The following XIRP2 variants were observed in gnomAD, a reference collection of about 807,000 sequenced individuals.
The protein encoded by XIRP2 is xin actin-binding repeat-containing protein 2.
A neutral mutation model predicts 277.0 loss-of-function variants in XIRP2; 236 were observed. The ratio of observed to expected loss-of-function variants is 0.85; its 90% CI spans 0.77 to 0.95. The LOEUF (loss-of-function observed/expected upper bound fraction) is 0.95. Ranked by LOEUF, XIRP2 falls within the 40% of genes least tolerant of loss-of-function variation. The probability of loss-of-function intolerance (pLI) is 0.00; values close to 1 mark genes in which losing one functional copy is unlikely to be tolerated. For missense variants in XIRP2, 4,640 were observed against 4,157.5 expected (o/e 1.12, Z -3.19); for synonymous variants, 1,490 against 1,416.5 (o/e 1.05, Z -1.17).
At chr2:166,980,709 T>A (rs552593914) in intron 2 of XIRP2, among the ~76,000 whole-genome samples, 1 of 152,142 alleles carries the variant, frequency 6.6e-6, no homozygotes, top group African/African-American at 2.4e-5. Flanking sequence ...TGAGCCACCA[T>A]GCCCAGTCAC....
At position 167,227,530 on chromosome 2, in the gene XIRP2, A is replaced by G. The variant is rs116976027; in HGVS notation, c.858+9230A>G. Among the ~76,000 whole-genome samples, 494 of 152,056 alleles carry G rather than the reference A, an allele frequency of 3.2e-3. 24 individuals are homozygous for G. In the East Asian group the frequency reaches 0.067, roughly 21 times the overall value. On this transcript the variant is annotated intron_variant, in intron 5 of 10. Coordinates refer to ENST00000409195, the MANE Select transcript of XIRP2 (RefSeq NM_152381.6). Reference sequence around the variant, plus strand: ...AGCCTGGGCAACATAGCAAAACCCCATCTCTACAAAAGAAAAAATGTTTTT... The same window carrying G: ...AGCCTGGGCAACATAGCAAAACCCCGTCTCTACAAAAGAAAAAATGTTTTT...
At chr2:167,233,107 A>G (rs1244323369) in intron 5 of XIRP2, among the ~76,000 whole-genome samples, 3 of 151,930 alleles carry the variant, frequency 2.0e-5, no homozygotes, top group East Asian at 1.9e-4. Flanking sequence ...ATTAAGAAAG[A>G]CATCTGATGA....
chr2:167,119,825 C>T lies in XIRP2; in HGVS notation c.409-16084C>T, dbSNP rs115824750. ...GAAGATTTTGTTTCTGCTTTTCTCCCTCATTGCTGCAAATGTTAAACATCA... is the reference window on the plus strand; with the variant it reads ...GAAGATTTTGTTTCTGCTTTTCTCCTTCATTGCTGCAAATGTTAAACATCA... On this transcript the variant is annotated intron_variant, in intron 2 of 10. Coordinates refer to ENST00000409195, the MANE Select transcript of XIRP2 (RefSeq NM_152381.6). 4.0e-3 allele frequency among the ~76,000 whole-genome samples: 603 copies of T among 152,234 alleles called. 5 individuals are homozygous for T. The highest frequency in any genetic ancestry group is 0.014 in the African/African-American group (586 of 41,550).
chr2:166,965,575 TTTG>T (rs1449825285), intron 2 of XIRP2, among the ~76,000 whole-genome samples: 2 of 151,744 alleles, frequency 1.3e-5, no homozygotes, highest in Non-Finnish European at 2.9e-5. Context: ...TTTTTTTGTG[TTTG>T]TTGTTTGTTT....
intron 2 of XIRP2, among the ~76,000 whole-genome samples, chr2:167,070,290 A>G (rs1042202527): frequency 2.6e-5 from 4 of 152,098 alleles, no homozygotes; most frequent in African/African-American, 4.8e-5. Flanking sequence ...TTTGATCTTC[A>G]TTCAGTAGCC....
intron 3 of XIRP2, among the ~76,000 whole-genome samples, chr2:167,172,862 A>G (rs184281175): frequency 2.5e-3 from 383 of 152,346 alleles, no homozygotes; most frequent in Middle Eastern, 6.8e-3. Context: ...AAGAGATTAA[A>G]GTAAAGACAG....
intron 10 of XIRP2, among the ~76,000 whole-genome samples, chr2:167,254,506 A>G (rs540406144): frequency 1.3e-5 from 2 of 152,038 alleles, no homozygotes; most frequent in Admixed American, 6.6e-5. Flanking sequence ...ATTTTCTGTT[A>G]AGGTCTAGAT....
At chr2:167,190,138 A>G (rs907744665) in intron 3 of XIRP2, among the ~76,000 whole-genome samples, 3 of 152,204 alleles carry the variant, frequency 2.0e-5, no homozygotes, top group Non-Finnish European at 4.4e-5. Flanking sequence ...CTAACGAGCT[A>G]TCCCCAGCAC....
At position 167,247,306 on chromosome 2, in the gene XIRP2, A is replaced by G. The variant is rs1401057062; in HGVS notation, c.5914A>G (p.Asn1972Asp). Residue 1972 changes from asparagine to aspartate, a missense_variant, in exon 9 of 11, where the codon AAC becomes GAC. By Grantham distance (23) the Asn-to-Asp change is conservative. Coordinates refer to ENST00000409195, the MANE Select transcript of XIRP2 (RefSeq NM_152381.6). ...TATTCATCAGGTTGCTGTCCAGAGG[A>G]ACAAAAATAGTCTTCTTCAGCCAAA... is the stretch of plus-strand genomic sequence containing the variant. ...TDIHQVAVQR[N>D]KNSLLQPKPG... 1.2e-6 allele frequency: 2 copies of G among 1,613,732 alleles called. No individual in the cohort carries two copies. The highest frequency in any genetic ancestry group is 1.7e-5 in the Admixed American group (1 of 59,972).
At chr2:167,087,971 A>T (rs1690014737) in intron 2 of XIRP2, among the ~76,000 whole-genome samples, 1 of 152,020 alleles carries the variant, frequency 6.6e-6, no homozygotes, top group Non-Finnish European at 1.5e-5. Context: ...CCTCCCCACC[A>T]TGTATTTTCA....
Position 167,250,134 on chromosome 2 carries a change from A to G in XIRP2, c.8742A>G (p.Lys2914=). 3 of 1,613,220 alleles carry G rather than the reference A, an allele frequency of 1.9e-6. No individual in the cohort carries two copies. The highest frequency in any genetic ancestry group is 2.5e-6 in the Non-Finnish European group (3 of 1,179,614). ...IQEKQVFSNT[K]DSKQEITQNK... ...AGAAACAAGTCTTCTCTAATACTAA[A>G]GATTCAAAGCAAGAGATTACACAGA... Residue 2914 remains lysine (K), a synonymous_variant, in exon 9 of 11, where the codon AAA becomes AAG. Coordinates refer to ENST00000409195, the MANE Select transcript of XIRP2 (RefSeq NM_152381.6).
chr2:167,086,176 G>A, intron 2 of XIRP2, among the ~76,000 whole-genome samples: 1 of 152,080 alleles, frequency 6.6e-6, no homozygotes, highest in East Asian at 1.9e-4. Flanking sequence ...TGTCTGTAAA[G>A]TATTTTATTT....
At chr2:167,110,471 A>G (rs571554790) in intron 2 of XIRP2, among the ~76,000 whole-genome samples, 1 of 152,270 alleles carries the variant, frequency 6.6e-6, no homozygotes, top group South Asian at 2.1e-4. Context: ...CAAAGATCAG[A>G]TGGTTGTAGG....
At chr2:167,201,240 AAGAAAGAAAG>A (rs1189148666) in intron 3 of XIRP2, among the ~76,000 whole-genome samples, 1 of 101,942 alleles carries the variant, frequency 9.8e-6, no homozygotes, top group African/African-American at 5.9e-5. Flanking sequence ...GAAAGAAAGA[AAGAAAGAAAG>A]AAAGAAAGAA....
intron 2 of XIRP2, among the ~76,000 whole-genome samples, chr2:167,128,470 A>G (rs1236831229): frequency 1.3e-5 from 2 of 152,166 alleles, no homozygotes; most frequent in Non-Finnish European, 2.9e-5. Context: ...AAACCCGTGA[A>G]TATGGAAAGC....
At chr2:167,132,680 C>G (rs188095119) in intron 2 of XIRP2, among the ~76,000 whole-genome samples, 3 of 152,318 alleles carry the variant, frequency 2.0e-5, no homozygotes, top group South Asian at 4.1e-4. Flanking sequence ...CCTCCCTGCT[C>G]CCACCTACTC....
intron 3 of XIRP2, among the ~76,000 whole-genome samples, chr2:167,139,689 T>G (rs1233463658): frequency 6.6e-6 from 1 of 152,192 alleles, no homozygotes; most frequent in Non-Finnish European, 1.5e-5. Flanking sequence ...GTGATTGTCA[T>G]TTACATATCT....
intron 2 of XIRP2, among the ~76,000 whole-genome samples, chr2:166,925,626 T>TATATATAC (rs1316563535): frequency 3.7e-5 from 5 of 136,012 alleles, no homozygotes; most frequent in African/African-American, 8.6e-5. Flanking sequence ...TATATATATA[T>TATATATAC]ACATATAAGT....
intron 2 of XIRP2, among the ~76,000 whole-genome samples, chr2:167,081,535 T>G (rs1028545537): frequency 3.9e-5 from 6 of 152,092 alleles, no homozygotes; most frequent in Admixed American, 3.9e-4. Flanking sequence ...TAAGAAATTG[T>G]CTTCTGTTTG....
Sources: allele counts gnomAD v4.1 joint callset (sites outside exome capture counted in the v4.1 genomes callset), GRCh38; gene constraint gnomAD v4.1.1; transcripts MANE v1.5; gene names NCBI Gene and HGNC (gene_info 2026-07-23, HGNC 2026-07-21).